Variants in CNTN3 observed in about 807,000 individuals in gnomAD.
The protein encoded by CNTN3 is contactin-3.
In CNTN3, 60 loss-of-function variants were observed where a neutral mutation model predicts 119.1. That is an observed-to-expected ratio of 0.50 (90% CI 0.41 to 0.62). The LOEUF (loss-of-function observed/expected upper bound fraction) is 0.62, where lower values mean the gene tolerates loss of function less well. Ranked by LOEUF, CNTN3 falls within the 20% of genes least tolerant of loss-of-function variation. The probability of loss-of-function intolerance (pLI) is 0.00; values close to 1 mark genes in which losing one functional copy is unlikely to be tolerated. For missense variants in CNTN3, 1,101 were observed against 1,242.4 expected (o/e 0.89, Z 1.71); for synonymous variants, 450 against 438.7 (o/e 1.03, Z -0.32).
chr3:74,562,000 T>C (rs949710353), intron 1 of CNTN3, among the ~76,000 whole-genome samples: 2 of 152,148 alleles, frequency 1.3e-5, no homozygotes, highest in African/African-American at 4.8e-5. Context: ...ACAAGATCTT[T>C]AGAAAAAACT....
intron 4 of CNTN3, among the ~76,000 whole-genome samples, chr3:74,448,251 G>T (rs1327109586): frequency 6.6e-6 from 1 of 152,106 alleles, no homozygotes; most frequent in Non-Finnish European, 1.5e-5. Flanking sequence ...TGCCAAACAA[G>T]ACAAACAAGT....
At chr3:74,516,425 G>T (rs555482963) in intron 2 of CNTN3, among the ~76,000 whole-genome samples, 1 of 150,468 alleles carries the variant, frequency 6.6e-6, no homozygotes, top group East Asian at 2.0e-4. Context: ...TTAATGAATA[G>T]TAACTACATT....
chr3:74,365,819 G>C, intron 8 of CNTN3, 117 bp from the exon 9 acceptor site: 1 of 1,146,186 alleles, frequency 8.7e-7, no homozygotes, highest in Non-Finnish European at 1.2e-6. Flanking sequence ...ATGAGTAACA[G>C]ATTGAAGTGA....
chr3:74,561,186 T>A lies in CNTN3; in HGVS notation c.-80-39994A>T, dbSNP rs1467120910. On this transcript the variant is annotated intron_variant, in intron 1 of 22. Transcript: ENST00000263665. ...AACTTAAAGCATAATAAAAAAAAAA[T>A]AAAAAAAAATAAAATGAAATCTTAC... 2.7e-5 allele frequency among the ~76,000 whole-genome samples: 4 copies of A among 148,948 alleles called. No homozygotes were observed. In the East Asian group the frequency reaches 5.9e-4, roughly 22 times the overall value.
chr3:74,574,176 C>T (rs1266342383), intron 1 of CNTN3, among the ~76,000 whole-genome samples: 3 of 152,062 alleles, frequency 2.0e-5, no homozygotes, highest in Non-Finnish European at 4.4e-5. Flanking sequence ...ACATTATGCT[C>T]AGTGAGGAAC....
intron 19 of CNTN3, among the ~76,000 whole-genome samples, chr3:74,288,803 T>G (rs1226022929): frequency 6.6e-6 from 1 of 152,160 alleles, no homozygotes. Context: ...ACTTAAAGCC[T>G]TCTGCCTCTC....
chr3:74,403,264 A>G (rs1226716781), intron 5 of CNTN3, among the ~76,000 whole-genome samples: 1 of 152,172 alleles, frequency 6.6e-6, no homozygotes, highest in Non-Finnish European at 1.5e-5. Flanking sequence ...ACTGTGCAAT[A>G]TTTTGTTAAG....
chr3:74,339,892 CAGATAGATAGAT>C (rs55925924), intron 11 of CNTN3, among the ~76,000 whole-genome samples: 46,121 of 149,672 alleles, frequency 0.31, 7,187 homozygotes, highest in East Asian at 0.41. Context: ...TAATTGGATA[CAGATAGATAGAT>C]AGATAGATAG....
At chr3:74,565,643 C>G (rs1030776094) in intron 1 of CNTN3, among the ~76,000 whole-genome samples, 3 of 152,120 alleles carry the variant, frequency 2.0e-5, no homozygotes, top group African/African-American at 7.2e-5. Flanking sequence ...CTCACAACCT[C>G]CAACGTGACA....
rs180908173 is a variant in CNTN3 at position 74,330,233 on chromosome 3, G to A, written c.1668+4502C>T. Among the ~76,000 whole-genome samples the A allele has an allele frequency of 2.6e-5, 4 of 152,114 alleles. No homozygotes were observed. The East Asian group carries it at 7.8e-4, about 30-fold the overall frequency. ...TAGCCGGACACGGTGGTGCATGCCGGTAGTCCCAGCTAGTAGGGAGGCTGA... is the reference window on the plus strand; with the variant it reads ...TAGCCGGACACGGTGGTGCATGCCGATAGTCCCAGCTAGTAGGGAGGCTGA... On this transcript the variant is annotated intron_variant, in intron 13 of 22. Coordinates refer to ENST00000263665, the MANE Select transcript of CNTN3 (RefSeq NM_020872.3).
At chr3:74,511,909 A>C (rs918564274) in intron 2 of CNTN3, among the ~76,000 whole-genome samples, 3 of 152,128 alleles carry the variant, frequency 2.0e-5, no homozygotes, top group Non-Finnish European at 4.4e-5. Context: ...CCCCAGCTTT[A>C]GGAAAGATCA....
chr3:74,456,238 T>C (rs934741210), intron 4 of CNTN3, among the ~76,000 whole-genome samples: 1 of 145,112 alleles, frequency 6.9e-6, no homozygotes, highest in Non-Finnish European at 1.5e-5. Context: ...AAGAGCTATC[T>C]ACTGAAAAAA....
chr3:74,344,156 ATAG>A (rs1481712901), intron 11 of CNTN3, among the ~76,000 whole-genome samples: 1 of 152,176 alleles, frequency 6.6e-6, no homozygotes, highest in Non-Finnish European at 1.5e-5. Flanking sequence ...TGCTTTGTAC[ATAG>A]TAGTTTTTTT....
At chr3:74,466,504 G>T (rs1357110046) in intron 4 of CNTN3, among the ~76,000 whole-genome samples, 1 of 151,986 alleles carries the variant, frequency 6.6e-6, no homozygotes, top group Admixed American at 6.6e-5. Context: ...TAACTGTTTT[G>T]GTGTTAGAAA....
At chr3:74,308,681 A>G (rs1189120887) in intron 13 of CNTN3, among the ~76,000 whole-genome samples, 1 of 151,832 alleles carries the variant, frequency 6.6e-6, no homozygotes, top group Non-Finnish European at 1.5e-5. Context: ...TGATCTCAGG[A>G]TGCCTAGTCT....
rs1462950834 is a variant in CNTN3 at position 74,328,476 on chromosome 3, T to G, written c.1668+6259A>C. Among the ~76,000 whole-genome samples, 6 of 152,188 alleles carry G rather than the reference T, an allele frequency of 3.9e-5. No individual in the cohort carries two copies. The East Asian group carries it at 1.2e-3, about 29-fold the overall frequency. ...CCTTTATGTCATTTCATTTATAGCC[T>G]TGGTTTGTTTTAACTCTGCTGTTTT... On this transcript the variant is annotated intron_variant, in intron 13 of 22. Coordinates refer to ENST00000263665, the MANE Select transcript of CNTN3 (RefSeq NM_020872.3).
chr3:74,341,338 G>T lies in CNTN3; in HGVS notation c.1365-4680C>A, dbSNP rs866246315. ...ATACCACTTCACTATAAACGAATTT[G>T]CTTTCTAAGCTTTCTGAGAACAGGT... On this transcript the variant is annotated intron_variant, in intron 11 of 22. Transcript: ENST00000263665. Among the ~76,000 whole-genome samples, 163 of 152,218 alleles carry T rather than the reference G, an allele frequency of 1.1e-3. 2 individuals carry two copies. Among genetic ancestry groups the T allele is most frequent in the African/African-American group, 3.9e-3 (160 of 41,540 alleles).
intron 5 of CNTN3, among the ~76,000 whole-genome samples, chr3:74,403,227 G>T (rs1294801391): frequency 6.6e-6 from 1 of 152,106 alleles, no homozygotes. Flanking sequence ...GACTCCTCAA[G>T]TAAAAGAGAT....
chr3:74,268,138 C>T (rs1050256621), intron 20 of CNTN3, among the ~76,000 whole-genome samples: 4 of 151,980 alleles, frequency 2.6e-5, no homozygotes, highest in African/African-American at 9.7e-5. Flanking sequence ...AAACTCTCTG[C>T]GGTTTCTAAA....
Sources: gnomAD v4.1 joint callset for allele counts (sites outside exome capture counted in the v4.1 genomes callset) on GRCh38, gnomAD v4.1.1 for gene constraint, MANE v1.5 for transcripts, NCBI Gene and HGNC (gene_info 2026-07-23, HGNC 2026-07-21) for gene names.